The following NCOA1 variants were observed in gnomAD, a reference collection of about 807,000 sequenced individuals.
NCOA1 encodes nuclear receptor coactivator 1.
Under a neutral mutation model 150.9 loss-of-function variants are expected in NCOA1, and 35 were observed. The ratio of observed to expected loss-of-function variants is 0.23; its 90% CI spans 0.18 to 0.31. The LOEUF is 0.31. NCOA1 is among the 10% of genes least tolerant of loss of function. The pLI, the probability that NCOA1 is intolerant of heterozygous loss-of-function variation, is 1.00. For missense variants in NCOA1, 1,491 were observed against 1,749.3 expected, an observed-to-expected ratio of 0.85 and a Z score of 2.63; for synonymous variants, 590 against 630.0, an observed-to-expected ratio of 0.94 and a Z score of 0.95.
chr2:24,604,218 G>T (rs1352351994), intron 3 of NCOA1, among the ~76,000 whole-genome samples: 5 of 152,164 alleles, frequency 3.3e-5, no homozygotes, highest in Admixed American at 2.0e-4. Context: ...ATAGCACACA[G>T]GCCAGGTAAA....
chr2:24,736,957 C>T (rs1362237904), intron 17 of NCOA1, among the ~76,000 whole-genome samples: 3 of 152,124 alleles, frequency 2.0e-5, no homozygotes, highest in Non-Finnish European at 4.4e-5. Context: ...AAATCCATTC[C>T]GGCAGACAAA....
rs1021804813 is a variant in NCOA1 at position 24,550,886 on chromosome 2, A to C, written c.-395-13409A>C. ...CACTTTGGGAGGCCAAGGCGGGTGGATCACTTGAGGTCAGGAGTTTGAGAC... is the reference window on the plus strand; with the variant it reads ...CACTTTGGGAGGCCAAGGCGGGTGGCTCACTTGAGGTCAGGAGTTTGAGAC... On this transcript the variant is annotated intron_variant, in intron 1 of 22. Transcript: ENST00000348332. Among the ~76,000 whole-genome samples the C allele has an allele frequency of 7.2e-5, 11 of 152,322 alleles. No individual in the cohort carries two copies. In the East Asian group the frequency reaches 1.7e-3, roughly 24 times the overall value.
chr2:24,691,527 T>C lies in NCOA1; in HGVS notation c.579T>C (p.His193=), dbSNP rs1460065323. The change falls in exon 9 of 23, where the codon CAT becomes CAC. Residue 193 remains histidine (H), a synonymous_variant. Transcript: ENST00000348332. ...AAGAGGCAACACGACGAAATAGCCA[T>C]ACCTTTAACTGCAGGATGCTAATTC... is the stretch of plus-strand genomic sequence containing the variant. ...WPQEATRRNS[H]TFNCRMLIHP... is the part of the protein sequence containing the mutation. 2 of 1,614,162 alleles carry C rather than the reference T, an allele frequency of 1.2e-6. No homozygotes were observed. The highest frequency in any genetic ancestry group is 3.3e-5 in the Admixed American group (2 of 60,022).
chr2:24,662,335 A>G (rs1425370992), intron 5 of NCOA1, among the ~76,000 whole-genome samples: 2 of 152,200 alleles, frequency 1.3e-5, no homozygotes, highest in African/African-American at 2.4e-5. Flanking sequence ...GTTAATCTCA[A>G]AAGTATAGGT....
chr2:24,731,640 A>G (rs1443044365), intron 17 of NCOA1, among the ~76,000 whole-genome samples: 5 of 152,198 alleles, frequency 3.3e-5, no homozygotes, highest in Non-Finnish European at 7.3e-5. Flanking sequence ...CTAGGGTAGA[A>G]TAAAGGATTC....
At chr2:24,715,811 A>G (rs1003845436) in intron 14 of NCOA1, among the ~76,000 whole-genome samples, 1 of 152,164 alleles carries the variant, frequency 6.6e-6, no homozygotes, top group African/African-American at 2.4e-5. Context: ...AGTTATTCCA[A>G]AATCAACCCA....
intron 3 of NCOA1, among the ~76,000 whole-genome samples, chr2:24,591,086 T>A (rs1160368953): frequency 6.6e-6 from 1 of 152,338 alleles, no homozygotes; most frequent in Non-Finnish European, 1.5e-5. Flanking sequence ...TATAAAATAC[T>A]GTAAGTATAA....
chr2:24,648,616 G>A lies in NCOA1; in HGVS notation c.-18+4494G>A, dbSNP rs1558872046. 2.0e-5 allele frequency among the ~76,000 whole-genome samples: 3 copies of A among 152,112 alleles called. No homozygotes were observed. In the South Asian group the frequency reaches 6.2e-4, roughly 31 times the overall value. On this transcript the variant is annotated intron_variant, in intron 4 of 22. Transcript: ENST00000348332. ...GTGCCCTTTCCCTTTCAGGTTGGGAGGGTGACCCTGAAGTTAACCGGAGGT... is the reference window on the plus strand; with the variant it reads ...GTGCCCTTTCCCTTTCAGGTTGGGAAGGTGACCCTGAAGTTAACCGGAGGT...
chr2:24,730,922 C>T (rs757228336), intron 17 of NCOA1, among the ~76,000 whole-genome samples: 8 of 149,430 alleles, frequency 5.4e-5, no homozygotes, highest in Non-Finnish European at 1.2e-4. Flanking sequence ...CCTATAATCC[C>T]AGCTACTCTG....
At chr2:24,598,274 A>T (rs959038298) in intron 3 of NCOA1, among the ~76,000 whole-genome samples, 3 of 152,218 alleles carry the variant, frequency 2.0e-5, no homozygotes, top group Admixed American at 1.3e-4. Flanking sequence ...GGGAAGATTC[A>T]GCATTCTCGT....
At chr2:24,516,955 A>C (rs62140847) in intron 1 of NCOA1, among the ~76,000 whole-genome samples, 40,458 of 67,714 alleles carry the variant, frequency 0.6, 13,345 homozygotes, top group Non-Finnish European at 0.77. Flanking sequence ...TATATATACA[A>C]GTATATATAC....
chr2:24,491,894 C>G (rs1437863119), intron 1 of NCOA1: 1 of 151,780 alleles, frequency 6.6e-6, no homozygotes, highest in Non-Finnish European at 1.5e-5. Flanking sequence ...CTAGTTAGCG[C>G]GGAGAGGGCG....
chr2:24,530,486 A>G (rs915630604), intron 1 of NCOA1, among the ~76,000 whole-genome samples: 8 of 152,158 alleles, frequency 5.3e-5, no homozygotes, highest in African/African-American at 1.9e-4. Flanking sequence ...CTTGTCTTTC[A>G]GGTAACTTTT....
intron 1 of NCOA1, among the ~76,000 whole-genome samples, chr2:24,527,277 A>G (rs530935050): frequency 6.6e-6 from 1 of 152,266 alleles, no homozygotes; most frequent in East Asian, 1.9e-4. Context: ...TATATCCTAC[A>G]TATCTGCTAC....
intron 1 of NCOA1, among the ~76,000 whole-genome samples, chr2:24,511,861 A>G (rs1415725500): frequency 6.6e-6 from 1 of 151,930 alleles, no homozygotes; most frequent in Non-Finnish European, 1.5e-5. Flanking sequence ...TAGGTCTGAT[A>G]TATTTTTAGT....
chr2:24,639,157 T>C (rs761098607), intron 3 of NCOA1, among the ~76,000 whole-genome samples: 2 of 152,164 alleles, frequency 1.3e-5, no homozygotes, highest in South Asian at 2.1e-4. Flanking sequence ...ATTGCTATTA[T>C]TACTTCCTTA....
intron 2 of NCOA1, among the ~76,000 whole-genome samples, chr2:24,565,177 C>T (rs1378001784): frequency 6.6e-6 from 1 of 151,806 alleles, no homozygotes; most frequent in Non-Finnish European, 1.5e-5. Flanking sequence ...CTACATAAGA[C>T]AAATAAAACA....
chr2:24,643,188 T>A (rs1670308069), intron 3 of NCOA1, among the ~76,000 whole-genome samples: 1 of 152,222 alleles, frequency 6.6e-6, no homozygotes, highest in Non-Finnish European at 1.5e-5. Flanking sequence ...TTAGCTCTGA[T>A]CTACATTCTT....
intron 14 of NCOA1, among the ~76,000 whole-genome samples, chr2:24,715,414 TATA>T (rs1673976124): frequency 6.6e-6 from 1 of 152,206 alleles, no homozygotes; most frequent in African/African-American, 2.4e-5. Context: ...TACAAAATAG[TATA>T]ATATTTGAGG....
Sources: allele counts gnomAD v4.1 joint callset (sites outside exome capture counted in the v4.1 genomes callset), GRCh38; gene constraint gnomAD v4.1.1; transcripts MANE v1.5; gene names NCBI Gene and HGNC (gene_info 2026-07-23, HGNC 2026-07-21).